Variants in SDK1 observed in about 807,000 individuals in gnomAD.
SDK1 encodes the protein protein sidekick-1.
Under a neutral mutation model 245.5 loss-of-function variants are expected in SDK1, and 157 were observed. That is an observed-to-expected ratio of 0.64 (90% CI 0.56 to 0.73). The LOEUF is 0.73. Ranked by LOEUF, SDK1 falls within the 30% of genes least tolerant of loss-of-function variation. SDK1 has a pLI of 0.00. For synonymous variants in SDK1, 1,647 were observed against 1,278.5 expected, an observed-to-expected ratio of 1.29 and a Z score of -6.15; for missense variants, 3,583 against 3,002.3, an observed-to-expected ratio of 1.19 and a Z score of -4.52.
At chr7:3,616,850 T>C (rs538684191) in intron 1 of SDK1, among the ~76,000 whole-genome samples, 73 of 152,322 alleles carry the variant, frequency 4.8e-4, no homozygotes, top group Admixed American at 1.2e-3. Flanking sequence ...TACAGTAGTT[T>C]ATAAGAACAG....
chr7:3,686,600 G>GGT (rs1434376432), intron 4 of SDK1, among the ~76,000 whole-genome samples: 1 of 148,948 alleles, frequency 6.7e-6, no homozygotes, highest in Non-Finnish European at 1.5e-5. Flanking sequence ...TAAATATGCA[G>GGT]GTACTATATG....
chr7:3,679,855 A>G (rs1784044529), intron 4 of SDK1, among the ~76,000 whole-genome samples: 1 of 152,242 alleles, frequency 6.6e-6, no homozygotes, highest in South Asian at 2.1e-4. Flanking sequence ...CAGTTTGTCT[A>G]AAAACAAAAC....
At chr7:3,536,256 CG>C (rs1301227384) in intron 1 of SDK1, among the ~76,000 whole-genome samples, 7 of 151,120 alleles carry the variant, frequency 4.6e-5, no homozygotes, top group Admixed American at 1.3e-4. Flanking sequence ...TTACTAGAGA[CG>C]GGGTTGCACC....
At chr7:3,323,219 C>T (rs1779861334) in intron 1 of SDK1, among the ~76,000 whole-genome samples, 2 of 152,194 alleles carry the variant, frequency 1.3e-5, no homozygotes, top group Non-Finnish European at 2.9e-5. Context: ...TCAGTCTTCA[C>T]CAAGTCTGTG....
chr7:3,556,928 G>A (rs1015905208), intron 1 of SDK1, among the ~76,000 whole-genome samples: 3 of 152,004 alleles, frequency 2.0e-5, no homozygotes, highest in Non-Finnish European at 4.4e-5. Flanking sequence ...TTGTATGTCT[G>A]TATCACAATA....
At chr7:4,245,965 G>GA (rs1786828042) in intron 44 of SDK1, among the ~76,000 whole-genome samples, 160 bp downstream of exon 44, 1 of 152,164 alleles carries the variant, frequency 6.6e-6, no homozygotes, top group African/African-American at 2.4e-5. Flanking sequence ...GAAAAGAGCC[G>GA]AAATTCAACC....
intron 1 of SDK1, among the ~76,000 whole-genome samples, chr7:3,320,098 C>A (rs79453449): frequency 2.0e-5 from 3 of 151,852 alleles, no homozygotes; most frequent in Admixed American, 2.0e-4. Context: ...TTTCCTCATT[C>A]TCTTCTGATG....
intron 18 of SDK1, among the ~76,000 whole-genome samples, chr7:4,050,980 G>A (rs1246791156): frequency 7.4e-6 from 1 of 135,356 alleles, no homozygotes; most frequent in Non-Finnish European, 1.5e-5. Context: ...TTATATATAT[G>A]CTATATATGT....
chr7:4,246,171 CCCA>C (rs1786845687), intron 44 of SDK1, among the ~76,000 whole-genome samples: 1 of 152,162 alleles, frequency 6.6e-6, no homozygotes. Context: ...ACTCCTAAGT[CCCA>C]GAGACTGCAG....
intron 25 of SDK1, among the ~76,000 whole-genome samples, chr7:4,123,618 C>G (rs1203043589): frequency 6.6e-6 from 1 of 152,206 alleles, no homozygotes; most frequent in Non-Finnish European, 1.5e-5. Context: ...CGTGACACCT[C>G]TCTACTCAAA....
At chr7:3,325,653 C>T (rs1779922539) in intron 1 of SDK1, among the ~76,000 whole-genome samples, 1 of 151,994 alleles carries the variant, frequency 6.6e-6, no homozygotes, top group African/African-American at 2.4e-5. Flanking sequence ...CAAAATGAAC[C>T]AGCTTCCTGT....
rs1277550535 is a variant in SDK1 at position 4,203,762 on chromosome 7, TC to T, written c.5099-2115del. ...GGCTTTCAGGAGCAAAAAAGAAGTC[TC>T]CAAACCGACACGCTTTGCTCAGCGT... On this transcript the variant is annotated intron_variant, in intron 35 of 44. Coordinates refer to ENST00000404826, the MANE Select transcript of SDK1 (RefSeq NM_152744.4). Among the ~76,000 whole-genome samples the T allele has an allele frequency of 3.9e-5, 6 of 152,308 alleles. No homozygotes were observed. In the East Asian group the frequency reaches 1.2e-3, roughly 29 times the overall value.
At chr7:4,256,067 G>C (rs1787607060) in intron 44 of SDK1, among the ~76,000 whole-genome samples, 1 of 151,848 alleles carries the variant, frequency 6.6e-6, no homozygotes, top group Non-Finnish European at 1.5e-5. Flanking sequence ...TCACAGGTGT[G>C]CGCCACCACA....
chr7:4,031,181 G>GTA (rs1334077875), intron 17 of SDK1, among the ~76,000 whole-genome samples: 1 of 152,090 alleles, frequency 6.6e-6, no homozygotes, highest in Admixed American at 6.6e-5. Flanking sequence ...TCTTGTACAT[G>GTA]TATATATACA....
At chr7:3,424,406 C>T (rs1180687496) in intron 1 of SDK1, among the ~76,000 whole-genome samples, 3 of 152,086 alleles carry the variant, frequency 2.0e-5, no homozygotes, top group Non-Finnish European at 4.4e-5. Context: ...TTATACCACC[C>T]TCAAATATAA....
chr7:4,079,346 C>G, intron 21 of SDK1, 117 bp from the exon 22 acceptor site: 1 of 1,255,140 alleles, frequency 8.0e-7, no homozygotes, highest in South Asian at 1.4e-5. Context: ...AGAGCAAATC[C>G]TTTTTTGGTA....
At chr7:3,975,049 A>T (rs564285752) in intron 13 of SDK1, among the ~76,000 whole-genome samples, 1 of 152,130 alleles carries the variant, frequency 6.6e-6, no homozygotes, top group Admixed American at 6.5e-5. Flanking sequence ...TGAAAACAGA[A>T]AGCAACTGCC....
intron 26 of SDK1, 67 bp from the exon 27 acceptor site, chr7:4,129,841 C>A: frequency 6.3e-7 from 1 of 1,598,830 alleles, no homozygotes; most frequent in Admixed American, 1.7e-5. Context: ...GGGGGCCTGC[C>A]CCATGCCACG....
At chr7:3,301,941 A>C (rs1779276429) in intron 1 of SDK1, 57 bp downstream of exon 1, 15 of 1,078,782 alleles carry the variant, frequency 1.4e-5, no homozygotes, top group Non-Finnish European at 1.5e-5. Context: ...GGAGGCGCGA[A>C]CTTGAGCAGC....
Sources: allele counts gnomAD v4.1 joint callset (sites outside exome capture counted in the v4.1 genomes callset), GRCh38; gene constraint gnomAD v4.1.1; transcripts MANE v1.5; gene names NCBI Gene and HGNC (gene_info 2026-07-23, HGNC 2026-07-21).